PTPRD: variants seen among roughly 807,000 people sequenced by gnomAD.
PTPRD encodes the protein protein tyrosine phosphatase receptor type D.
PTPRD carries 34 observed loss-of-function variants against 214.5 expected under a neutral mutation model. The ratio of observed to expected loss-of-function variants is 0.16; its 90% CI spans 0.12 to 0.21. The LOEUF (loss-of-function observed/expected upper bound fraction) is 0.21, where lower values mean the gene tolerates loss of function less well. PTPRD is among the 10% of genes least tolerant of loss of function. The probability of loss-of-function intolerance (pLI) is 1.00; values close to 1 mark genes in which losing one functional copy is unlikely to be tolerated. For missense variants in PTPRD, 2,545 were observed against 2,398.7 expected (o/e 1.06, Z -1.27); for synonymous variants, 1,128 against 845.7 (o/e 1.33, Z -5.79).
intron 12 of PTPRD, among the ~76,000 whole-genome samples, chr9:8,732,388 G>T (rs2098669537): frequency 6.6e-6 from 1 of 152,144 alleles, no homozygotes; most frequent in Non-Finnish European, 1.5e-5. Flanking sequence ...ATTAACAATG[G>T]TGAAACAACT....
At chr9:9,758,371 T>G (rs948420356) in intron 6 of PTPRD, among the ~76,000 whole-genome samples, 3 of 152,142 alleles carry the variant, frequency 2.0e-5, no homozygotes, top group Non-Finnish European at 4.4e-5. Flanking sequence ...TGAAGACTGC[T>G]ATATGCCCAC....
At chr9:9,761,819 G>C (rs1012868982) in intron 6 of PTPRD, among the ~76,000 whole-genome samples, 2 of 151,850 alleles carry the variant, frequency 1.3e-5, no homozygotes, top group African/African-American at 4.8e-5. Context: ...AACAGAATTA[G>C]TCCCAATTGC....
At chr9:10,172,540 T>A (rs574979068) in intron 3 of PTPRD, among the ~76,000 whole-genome samples, 1 of 152,206 alleles carries the variant, frequency 6.6e-6, no homozygotes, top group Non-Finnish European at 1.5e-5. Context: ...TGTGAGCCAC[T>A]ACATCATGCC....
rs528559564 is a variant in PTPRD at position 8,320,185 on chromosome 9, AT to A, written c.5535-220del. 1.6e-3 allele frequency among the ~76,000 whole-genome samples: 246 copies of A among 152,286 alleles called. 1 individual carries two copies. Among genetic ancestry groups the A allele is most frequent in the African/African-American group, 5.6e-3 (234 of 41,578 alleles). ...GATGAAGTAATTAGGAGTAAGTCTA[AT>A]AAAAGGTCTTTTCAATGGGGATTTA... is the stretch of plus-strand genomic sequence containing the variant. On this transcript the variant is annotated intron_variant, in intron 44 of 45. Coordinates refer to ENST00000381196, the MANE Select transcript of PTPRD (RefSeq NM_002839.4).
At chr9:9,147,300 T>C (rs2099870234) in intron 10 of PTPRD, among the ~76,000 whole-genome samples, 1 of 151,976 alleles carries the variant, frequency 6.6e-6, no homozygotes, top group Non-Finnish European at 1.5e-5. Context: ...TTTGTTCTTT[T>C]TGCAGTAAAA....
chr9:8,791,231 T>C (rs1266265605), intron 11 of PTPRD, among the ~76,000 whole-genome samples: 1 of 144,084 alleles, frequency 6.9e-6, no homozygotes, highest in Non-Finnish European at 1.5e-5. Flanking sequence ...TTTTCCTTTT[T>C]CTTTTTCTTT....
intron 11 of PTPRD, among the ~76,000 whole-genome samples, chr9:8,949,030 C>T (rs1340194782): frequency 6.6e-6 from 1 of 151,804 alleles, no homozygotes; most frequent in Admixed American, 6.6e-5. Context: ...TTGAGACCAG[C>T]CTGACTAACA....
intron 3 of PTPRD, among the ~76,000 whole-genome samples, chr9:10,087,781 A>G (rs1477578744): frequency 1.3e-5 from 2 of 151,740 alleles, no homozygotes; most frequent in African/African-American, 4.8e-5. Context: ...ACCACTATAC[A>G]AACAAAAAGA....
chr9:8,822,481 G>T (rs1013841580), intron 11 of PTPRD, among the ~76,000 whole-genome samples: 4 of 152,168 alleles, frequency 2.6e-5, no homozygotes, highest in African/African-American at 9.7e-5. Flanking sequence ...AGAGAGAGTA[G>T]AACTGTTACA....
intron 14 of PTPRD, among the ~76,000 whole-genome samples, chr9:8,546,661 G>A (rs755191156): frequency 9.2e-5 from 14 of 151,946 alleles, no homozygotes; most frequent in Non-Finnish European, 1.8e-4. Flanking sequence ...ACCATGCCTC[G>A]CTACTTTTTT....
intron 4 of PTPRD, among the ~76,000 whole-genome samples, chr9:9,966,216 C>T (rs1471460510): frequency 6.6e-6 from 1 of 152,134 alleles, no homozygotes; most frequent in Non-Finnish European, 1.5e-5. Flanking sequence ...TTTTTCGCAA[C>T]ACAAGGAAAG....
intron 11 of PTPRD, among the ~76,000 whole-genome samples, chr9:8,922,116 A>T (rs955978690): frequency 6.6e-6 from 1 of 152,182 alleles, no homozygotes; most frequent in African/African-American, 2.4e-5. Context: ...TTAAATCTTC[A>T]TGTTAATACT....
chr9:8,715,835 G>A (rs1215424675), intron 12 of PTPRD, among the ~76,000 whole-genome samples: 1 of 152,204 alleles, frequency 6.6e-6, no homozygotes, highest in East Asian at 1.9e-4. Context: ...TAAGTTTAAA[G>A]TTTAGCACCA....
chr9:10,077,031 G>T (rs922084484), intron 3 of PTPRD, among the ~76,000 whole-genome samples: 1 of 152,192 alleles, frequency 6.6e-6, no homozygotes, highest in Non-Finnish European at 1.5e-5. Flanking sequence ...ATAGCTGAAG[G>T]TAAAACACAT....
At chr9:8,754,027 C>A (rs113708362) in intron 11 of PTPRD, among the ~76,000 whole-genome samples, 3 of 152,044 alleles carry the variant, frequency 2.0e-5, no homozygotes, top group African/African-American at 7.3e-5. Flanking sequence ...TGCCTGTAAT[C>A]CCAGCTAGTC....
chr9:9,060,030 TG>T (rs1029689976), intron 10 of PTPRD, among the ~76,000 whole-genome samples: 137 of 152,350 alleles, frequency 9.0e-4, no homozygotes, highest in African/African-American at 3.2e-3. Flanking sequence ...TTTGTTTGTT[TG>T]TATGTATTGT....
At chr9:10,565,356 T>C (rs1454369561) in intron 2 of PTPRD, among the ~76,000 whole-genome samples, 2 of 152,122 alleles carry the variant, frequency 1.3e-5, no homozygotes, top group East Asian at 1.9e-4. Flanking sequence ...TGGTGGTTCA[T>C]AATTGCCTTT....
At chr9:10,576,787 T>G (rs2069516584) in intron 2 of PTPRD, among the ~76,000 whole-genome samples, 1 of 152,146 alleles carries the variant, frequency 6.6e-6, no homozygotes, top group Admixed American at 6.5e-5. Context: ...AACACAACAG[T>G]TGATTACAAA....
At chr9:9,155,538 A>T (rs1181444428) in intron 10 of PTPRD, among the ~76,000 whole-genome samples, 1 of 152,156 alleles carries the variant, frequency 6.6e-6, no homozygotes, top group Non-Finnish European at 1.5e-5. Flanking sequence ...CTGGAGTCAT[A>T]ATCAACATTG....
Sources: allele counts gnomAD v4.1 joint callset (sites outside exome capture counted in the v4.1 genomes callset), GRCh38; gene constraint gnomAD v4.1.1; transcripts MANE v1.5; gene names NCBI Gene and HGNC (gene_info 2026-07-23, HGNC 2026-07-21).